The following SEMA6A variants were observed in gnomAD, a reference collection of about 807,000 sequenced individuals.
SEMA6A encodes semaphorin 6A.
Under a neutral mutation model 96.8 loss-of-function variants are expected in SEMA6A, and 25 were observed. The ratio of observed to expected loss-of-function variants is 0.26; its 90% CI spans 0.19 to 0.36. SEMA6A has a LOEUF of 0.36. SEMA6A is among the 10% of genes least tolerant of loss of function. The pLI, the probability that SEMA6A is intolerant of heterozygous loss-of-function variation, is 1.00. For missense variants in SEMA6A, 1,363 were observed against 1,323.1 expected (o/e 1.03, Z -0.47); for synonymous variants, 612 against 518.0 (o/e 1.18, Z -2.46).
intron 10 of SEMA6A, among the ~76,000 whole-genome samples, chr5:116,484,848 C>G (rs905466498): frequency 1.3e-5 from 2 of 152,120 alleles, no homozygotes. Context: ...AGGAGCAGAT[C>G]TTTGCTCCGA....
In SEMA6A at chr5:116,474,415, C is replaced by T. The variant is rs577292126; in HGVS notation, c.1708+1130G>A. On this transcript the variant is annotated intron_variant, in intron 16 of 18. Coordinates refer to ENST00000343348, the MANE Select transcript of SEMA6A (RefSeq NM_020796.5). ...TCCCTGATACGGATGAACGCACACA[C>T]GTAACATACATCTTTTAGTGATGAC... Among the ~76,000 whole-genome samples, 396 of 152,170 alleles carry T rather than the reference C, an allele frequency of 2.6e-3. 2 individuals carry two copies. The highest frequency in any genetic ancestry group is 4.2e-3 in the Non-Finnish European group (286 of 68,018).
At chr5:116,476,400 G>A (rs1039057077) in intron 15 of SEMA6A, among the ~76,000 whole-genome samples, 2 of 152,132 alleles carry the variant, frequency 1.3e-5, no homozygotes, top group African/African-American at 2.4e-5. Context: ...TTTATGAGCC[G>A]TATAGGAAAA....
At chr5:116,529,272 G>A (rs967012683) in intron 1 of SEMA6A, among the ~76,000 whole-genome samples, 159 of 152,208 alleles carry the variant, frequency 1.0e-3, no homozygotes, top group African/African-American at 3.7e-3. Context: ...GCTAGAGGTT[G>A]GTTAACAGAT....
Position 116,478,041 on chromosome 5 carries a change from C to A in SEMA6A, c.1541G>T (p.Arg514Leu). 1.2e-6 allele frequency: 2 copies of A among 1,613,914 alleles called. No individual in the cohort carries two copies. Among genetic ancestry groups the A allele is most frequent in the African/African-American group, 1.3e-5 (1 of 75,008 alleles). The change falls in exon 14 of 19, where the codon CGG becomes CTG. Residue 514 changes from arginine (R) to leucine (L), a missense_variant. Coordinates refer to ENST00000343348, the MANE Select transcript of SEMA6A (RefSeq NM_020796.5). ...TTTACACTTCCCATGTCGTTCACAC[C>A]GGCCAAGGGGAACCTTTATCACACA... The part of the protein sequence containing the change: ...STCVIKVPLG[R>L]CERHGKCKKT...
chr5:116,557,409 G>C (rs1760649878), intron 1 of SEMA6A, among the ~76,000 whole-genome samples: 1 of 152,114 alleles, frequency 6.6e-6, no homozygotes, highest in African/African-American at 2.4e-5. Context: ...ACGGGGTTTT[G>C]CCATGTTGCC....
chr5:116,530,687 G>A (rs1401828821), intron 1 of SEMA6A, among the ~76,000 whole-genome samples: 2 of 151,932 alleles, frequency 1.3e-5, no homozygotes, highest in Non-Finnish European at 2.9e-5. Context: ...GACTTCTGAT[G>A]GGTAAAACCC....
chr5:116,477,334 T>G (rs1453554377), intron 15 of SEMA6A, among the ~76,000 whole-genome samples: 1 of 152,238 alleles, frequency 6.6e-6, no homozygotes, highest in Non-Finnish European at 1.5e-5. Context: ...GACGGCCTGA[T>G]GAGTAATAGG....
intron 1 of SEMA6A, among the ~76,000 whole-genome samples, chr5:116,561,758 T>A (rs1401257317): frequency 6.6e-6 from 1 of 152,188 alleles, no homozygotes. Flanking sequence ...CGGATGTGTT[T>A]GGGCAATATT....
At chr5:116,486,226 C>G (rs1757041661) in intron 10 of SEMA6A, among the ~76,000 whole-genome samples, 1 of 152,146 alleles carries the variant, frequency 6.6e-6, no homozygotes, top group East Asian at 1.9e-4. Context: ...AGATTTCACC[C>G]TGTAGCAATT....
At chr5:116,526,319 CCT>C (rs1759221516) in intron 1 of SEMA6A, among the ~76,000 whole-genome samples, 1 of 152,268 alleles carries the variant, frequency 6.6e-6, no homozygotes, top group East Asian at 1.9e-4. Context: ...TGAAGTCTCC[CCT>C]GATTCCCACT....
At position 116,443,653 on chromosome 5, in the gene SEMA6A, C is replaced by G. The variant is rs914581772; in HGVS notation, c.*2960G>C. ...TTTTCTTTTCTTTTTTCTTTTCTTA[C>G]AACATACATTAAGTCGTGAATCAGA... On this transcript the variant is annotated 3_prime_UTR_variant, in exon 19 of 19. Transcript: ENST00000343348. 1 of 151,892 alleles carries G rather than the reference C, an allele frequency of 6.6e-6. No homozygotes were observed. Among genetic ancestry groups the G allele is most frequent in the Non-Finnish European group, 1.5e-5 (1 of 67,946 alleles). 9.4% of individuals were successfully genotyped at this position (151,892 alleles called of 1,614,324 possible). A position where few individuals can be genotyped will look rare whatever the true frequency, so the allele number is the denominator to read the frequency against.
At chr5:116,568,862 TAC>T (rs138283130) in intron 1 of SEMA6A, among the ~76,000 whole-genome samples, 6 of 151,640 alleles carry the variant, frequency 4.0e-5, no homozygotes, top group African/African-American at 1.5e-4. Context: ...ATGCATGAAG[TAC>T]ACACACACAC....
At position 116,445,319 on chromosome 5, in the gene SEMA6A, G is replaced by A. The variant is rs1185938494; in HGVS notation, c.*1294C>T. 1 of 152,666 alleles carries A rather than the reference G, an allele frequency of 6.6e-6. No homozygotes were observed. Among genetic ancestry groups the A allele is most frequent in the Non-Finnish European group, 1.5e-5 (1 of 68,048 alleles). 9.5% of individuals were successfully genotyped at this position (152,666 alleles called of 1,614,324 possible). A position where few individuals can be genotyped will look rare whatever the true frequency, so the allele number is the denominator to read the frequency against. On this transcript the variant is annotated 3_prime_UTR_variant, in exon 19 of 19. Transcript: ENST00000343348. The stretch of plus-strand genomic sequence containing the variant: ...CAAGGTGTAAGGCACAAATTTACAT[G>A]TGGAAAACAGGCTATTCACAGATGT...
At chr5:116,510,211 A>G (rs981119522) in intron 1 of SEMA6A, among the ~76,000 whole-genome samples, 4 of 152,202 alleles carry the variant, frequency 2.6e-5, no homozygotes, top group Non-Finnish European at 5.9e-5. Flanking sequence ...CTGACCACAG[A>G]GAACACTGTT....
chr5:116,454,037 C>CT (rs778320608), intron 18 of SEMA6A, among the ~76,000 whole-genome samples: 3 of 152,118 alleles, frequency 2.0e-5, no homozygotes, highest in Non-Finnish European at 2.9e-5. Context: ...GCACTTTCCC[C>CT]TCTCACCCCC....
At chr5:116,531,947 G>T (rs116778261) in intron 1 of SEMA6A, among the ~76,000 whole-genome samples, 3,944 of 152,202 alleles carry the variant, frequency 0.026, 162 homozygotes, top group African/African-American at 0.09. Context: ...GGAATTAGCT[G>T]AGACTGTGCA....
intron 11 of SEMA6A, 149 bp from the exon 12 acceptor site, chr5:116,480,426 A>C: frequency 1.1e-6 from 1 of 920,252 alleles, no homozygotes; most frequent in Non-Finnish European, 1.6e-6. Flanking sequence ...GAATGCCACC[A>C]AGCACAATAT....
Position 116,446,773 on chromosome 5 carries a change from C to T in SEMA6A, c.2933G>A (p.Gly978Asp). ...CTGCCTCGAGACAGTCACGGCCTGG[C>T]CAGATGGCTGGGAGCTGTGCACCTG... ...SIQVHSSQPS[G>D]QAVTVSRQPS... The change falls in exon 19 of 19, where the codon GGC (glycine) becomes GAC (aspartate). Residue 978 changes from glycine to aspartate, a missense_variant. Transcript: ENST00000343348. 1.9e-6 allele frequency: 3 copies of T among 1,611,130 alleles called. No homozygotes were observed. Among genetic ancestry groups the T allele is most frequent in the Non-Finnish European group, 2.5e-6 (3 of 1,178,606 alleles).
At chr5:116,540,238 T>C (rs1759898363) in intron 1 of SEMA6A, among the ~76,000 whole-genome samples, 1 of 152,248 alleles carries the variant, frequency 6.6e-6, no homozygotes, top group Admixed American at 6.5e-5. Context: ...GTATGCATTA[T>C]CATGCCTTTG....
Sources: allele counts gnomAD v4.1 joint callset (sites outside exome capture counted in the v4.1 genomes callset), GRCh38; gene constraint gnomAD v4.1.1; transcripts MANE v1.5; gene names NCBI Gene and HGNC (gene_info 2026-07-23, HGNC 2026-07-21).